Variants in CEP112 observed in about 807,000 individuals in gnomAD.
CEP112 encodes the protein centrosomal protein of 112 kDa.
Under a neutral mutation model 153.0 loss-of-function variants are expected in CEP112, and 127 were observed. The ratio of observed to expected loss-of-function variants is 0.83; its 90% confidence interval spans 0.72 to 0.96. The LOEUF (loss-of-function observed/expected upper bound fraction) is 0.96, where lower values mean the gene tolerates loss of function less well. CEP112 is among the 40% of genes least tolerant of loss of function. The pLI is 0.00. For missense variants in CEP112, 1,089 were observed against 1,101.2 expected, an observed-to-expected ratio of 0.99 and a Z score of 0.16; for synonymous variants, 358 against 374.4, an observed-to-expected ratio of 0.96 and a Z score of 0.51.
chr17:66,114,457 T>C (rs2069193398), intron 6 of CEP112, among the ~76,000 whole-genome samples: 1 of 152,166 alleles, frequency 6.6e-6, no homozygotes, highest in Admixed American at 6.5e-5. Context: ...TGATATACTA[T>C]CTTAGCAAGA....
At chr17:66,169,757 T>G (rs184701908) in intron 4 of CEP112, among the ~76,000 whole-genome samples, 12 of 152,334 alleles carry the variant, frequency 7.9e-5, no homozygotes, top group African/African-American at 9.6e-5. Context: ...ATATATAGAT[T>G]GCATACTTTT....
At chr17:65,702,530 AAGAG>A (rs1220079942) in intron 23 of CEP112, among the ~76,000 whole-genome samples, 1 of 152,240 alleles carries the variant, frequency 6.6e-6, no homozygotes, top group Admixed American at 6.5e-5. Context: ...AGAGGAAAGA[AAGAG>A]AGAGAAAGAC....
chr17:65,659,983 T>G (rs1416393001), intron 24 of CEP112, among the ~76,000 whole-genome samples: 3 of 152,114 alleles, frequency 2.0e-5, no homozygotes, highest in Non-Finnish European at 4.4e-5. Flanking sequence ...GAGGTGACTG[T>G]GTGTGGCATG....
rs192671726 is a variant in CEP112 at position 65,797,004 on chromosome 17, G to A, written c.2395-46280C>T. On this transcript the variant is annotated intron_variant, in intron 21 of 26. Transcript: ENST00000535342. The stretch of plus-strand genomic sequence containing the variant: ...GGGGAAGTCGAGGATGGAGTAAGCT[G>A]TGATTGTGCCACTGCACACCAGCCT... The A allele has an allele frequency of 3.1e-3, 479 of 152,264 alleles. 5 individuals are homozygous for A. Among genetic ancestry groups the A allele is most frequent in the Non-Finnish European group, 2.8e-3 (188 of 68,176 alleles). 9.4% of individuals were successfully genotyped at this position (152,264 alleles called of 1,614,324 possible). A position where few individuals can be genotyped will look rare whatever the true frequency, so the allele number is the denominator to read the frequency against.
At chr17:65,759,409 T>C (rs908258049) in intron 21 of CEP112, among the ~76,000 whole-genome samples, 1 of 152,178 alleles carries the variant, frequency 6.6e-6, no homozygotes, top group East Asian at 1.9e-4. Flanking sequence ...TCCCCTTTCA[T>C]GTAACACTAT....
intron 4 of CEP112, among the ~76,000 whole-genome samples, chr17:66,159,379 C>T (rs913080460): frequency 1.3e-5 from 2 of 152,160 alleles, no homozygotes; most frequent in African/African-American, 4.8e-5. Flanking sequence ...ATACCAAAAC[C>T]TGGCAGAGAC....
intron 4 of CEP112, among the ~76,000 whole-genome samples, chr17:66,171,071 G>T (rs1019262509): frequency 6.6e-6 from 1 of 152,130 alleles, no homozygotes; most frequent in Non-Finnish European, 1.5e-5. Flanking sequence ...CTTCTAACAA[G>T]TTTGGAACAA....
chr17:65,775,424 C>T (rs569211135), intron 21 of CEP112, among the ~76,000 whole-genome samples: 1 of 152,228 alleles, frequency 6.6e-6, no homozygotes, highest in Non-Finnish European at 1.5e-5. Flanking sequence ...TCACGGTTTT[C>T]CCCACTTTGC....
intron 19 of CEP112, among the ~76,000 whole-genome samples, chr17:65,925,206 C>A (rs890867415): frequency 6.6e-6 from 1 of 152,182 alleles, no homozygotes; most frequent in Non-Finnish European, 1.5e-5. Flanking sequence ...AATGGGAGTT[C>A]CCCTGCACAA....
chr17:65,929,192 T>A (rs535492017), intron 18 of CEP112, among the ~76,000 whole-genome samples: 2 of 152,320 alleles, frequency 1.3e-5, no homozygotes, highest in Admixed American at 1.3e-4. Flanking sequence ...GAGTGAATTG[T>A]TGGTATGTGA....
chr17:66,042,914 C>A (rs1299746276), intron 12 of CEP112, among the ~76,000 whole-genome samples: 2 of 152,016 alleles, frequency 1.3e-5, no homozygotes, highest in African/African-American at 2.4e-5. Flanking sequence ...GAGATTCTCT[C>A]GATTATAATC....
intron 23 of CEP112, among the ~76,000 whole-genome samples, chr17:65,722,203 G>A (rs776175263): frequency 6.6e-6 from 1 of 151,868 alleles, no homozygotes; most frequent in Non-Finnish European, 1.5e-5. Flanking sequence ...TTTGAAGTGG[G>A]GGATGAGGGT....
chr17:66,049,166 C>T, intron 12 of CEP112, among the ~76,000 whole-genome samples: 1 of 152,144 alleles, frequency 6.6e-6, no homozygotes, highest in Non-Finnish European at 1.5e-5. Context: ...CCCATCCTTG[C>T]TACTTGAACA....
At chr17:66,173,028 G>C (rs1372293140) in intron 4 of CEP112, among the ~76,000 whole-genome samples, 1 of 152,112 alleles carries the variant, frequency 6.6e-6, no homozygotes, top group Admixed American at 6.5e-5. Context: ...TGAATAGCTA[G>C]GACCACAGAC....
In CEP112 at chr17:66,143,185, G is replaced by A. The variant is rs546069337; in HGVS notation, c.471-10422C>T. On this transcript the variant is annotated intron_variant, in intron 4 of 26. Transcript: ENST00000535342. ...AAGACAAGGCTCAGATTTCAAGCAG[G>A]GTCCAGAGATATATTCATATGTCCA... Among the ~76,000 whole-genome samples, 31 of 152,196 alleles carry A rather than the reference G, an allele frequency of 2.0e-4. No individual in the cohort carries two copies. The East Asian group carries it at 5.6e-3, about 28-fold the overall frequency.
In CEP112 at chr17:65,843,892, T is replaced by G. The variant is rs1015885003; in HGVS notation, c.2394+7912A>C. ...ATTTACAAAGGAAAAGATGAACAGATTAGACGAAATTTAAATAAAATGTTT... is the reference window on the plus strand; with the variant it reads ...ATTTACAAAGGAAAAGATGAACAGAGTAGACGAAATTTAAATAAAATGTTT... On this transcript the variant is annotated intron_variant, in intron 21 of 26. Transcript: ENST00000535342. Among the ~76,000 whole-genome samples, 3 of 152,252 alleles carry G rather than the reference T, an allele frequency of 2.0e-5. No individual in the cohort carries two copies. The South Asian group carries it at 6.2e-4, about 32-fold the overall frequency.
intron 6 of CEP112, among the ~76,000 whole-genome samples, chr17:66,114,080 C>T (rs1161752628): frequency 6.6e-6 from 1 of 152,032 alleles, no homozygotes; most frequent in Non-Finnish European, 1.5e-5. Flanking sequence ...ACACTGAAGT[C>T]GAAGAAAATA....
chr17:65,689,107 C>A, intron 24 of CEP112, 22 bp downstream of exon 24: 2 of 1,540,444 alleles, frequency 1.3e-6, no homozygotes, highest in Non-Finnish European at 1.8e-6. Flanking sequence ...ACAAGAGAGT[C>A]AAATAGTAAA....
intron 4 of CEP112, among the ~76,000 whole-genome samples, chr17:66,157,111 T>C (rs1302183145): frequency 6.6e-6 from 1 of 152,136 alleles, no homozygotes; most frequent in Non-Finnish European, 1.5e-5. Context: ...GGAAAAAATG[T>C]TAAGGGCAGC....
Sources: gnomAD v4.1 joint callset for allele counts (sites outside exome capture counted in the v4.1 genomes callset) on GRCh38, gnomAD v4.1.1 for gene constraint, MANE v1.5 for transcripts, NCBI Gene and HGNC (gene_info 2026-07-23, HGNC 2026-07-21) for gene names.